Variants in NOTCH1 observed in about 807,000 individuals in gnomAD.
The protein encoded by NOTCH1 is neurogenic locus notch homolog protein 1.
Under a neutral mutation model 254.8 loss-of-function variants are expected in NOTCH1, and 37 were observed. The observed-to-expected ratio is 0.15, with a 90% CI of 0.11 to 0.19. NOTCH1 has a LOEUF of 0.19. Ranked by LOEUF, NOTCH1 falls within the 10% of genes least tolerant of loss-of-function variation. The probability of loss-of-function intolerance (pLI) is 1.00; values close to 1 mark genes in which losing one functional copy is unlikely to be tolerated. For synonymous variants in NOTCH1, 1,731 were observed against 1,618.1 expected, an observed-to-expected ratio of 1.07 and a Z score of -1.68; for missense variants, 2,972 against 3,708.6, an observed-to-expected ratio of 0.80 and a Z score of 5.16.
intron 19 of NOTCH1, 39 bp from the exon 20 acceptor site, chr9:136,508,424 G>T (rs201733983): frequency 6.2e-7 from 1 of 1,612,438 alleles, no homozygotes; most frequent in African/African-American, 1.3e-5. Context: ...CCCGCGCCCC[G>T]GCCATTTCCC....
At chr9:136,538,911 C>T (rs976776249) in intron 2 of NOTCH1, among the ~76,000 whole-genome samples, 12 of 152,210 alleles carry the variant, frequency 7.9e-5, no homozygotes, top group Admixed American at 6.5e-4. Flanking sequence ...TATTTATAGA[C>T]GAGACATGAA....
Position 136,508,098 on chromosome 9 carries a change from C to T in NOTCH1, c.3367G>A (p.Val1123Met). ...ARLCQHGGLCVDAGNTHHCRC... is the reference protein window; with the variant it reads ...ARLCQHGGLCMDAGNTHHCRC... ...CAGTGGTGCGTGTTGCCCGCGTCCA[C>T]ACAGAGCCCTCCATGCTGGCACAGG... The change falls in exon 21 of 34, where the codon GTG (valine) becomes ATG (methionine). Residue 1123 changes from valine (V) to methionine (M), a missense_variant. Val to Met is a conservative substitution (Grantham distance 21). This residue lies in a region of NOTCH1 where 1,343 missense variants were observed against 1,557.0 expected (regional missense o/e 0.86). Coordinates refer to ENST00000651671, the MANE Select transcript of NOTCH1 (RefSeq NM_017617.5). The T allele has an allele frequency of 6.2e-7, 1 of 1,609,284 alleles. No individual in the cohort carries two copies. Among genetic ancestry groups the T allele is most frequent in the Non-Finnish European group, 8.5e-7 (1 of 1,179,916 alleles).
intron 2 of NOTCH1, among the ~76,000 whole-genome samples, chr9:136,542,452 C>G (rs543869845): frequency 6.6e-6 from 1 of 151,622 alleles, no homozygotes; most frequent in Non-Finnish European, 1.5e-5. Flanking sequence ...TCCCCTGGAT[C>G]CCAGCTGTCG....
chr9:136,509,631 G>A (rs1843145699), intron 18 of NOTCH1, 102 bp downstream of exon 18: 6 of 1,055,752 alleles, frequency 5.7e-6, no homozygotes, highest in Non-Finnish European at 5.8e-6. Flanking sequence ...TAAGTGCCCA[G>A]CCGGCCTAGG....
At chr9:136,530,138 C>A (rs1270366522) in intron 2 of NOTCH1, among the ~76,000 whole-genome samples, 3 of 152,006 alleles carry the variant, frequency 2.0e-5, no homozygotes, top group Non-Finnish European at 4.4e-5. Context: ...TTGGGTGGGG[C>A]GGGGGTCGCG....
rs2133317529 is a variant in NOTCH1, at chr9:136,497,051, G to A, written c.6688C>T (p.Pro2230Ser). Residue 2230 changes from proline (P) to serine (S), a missense_variant, in exon 34 of 34, where the codon CCC (proline) becomes TCC (serine). Around this residue, in one of 8 missense-constraint regions of NOTCH1, gnomAD observed 529 missense variants for 529.2 expected, o/e 1.00. Coordinates refer to ENST00000651671, the MANE Select transcript of NOTCH1 (RefSeq NM_017617.5). ...PSPFQQSPSV[P>S]LNHLPGMPDT... The stretch of plus-strand genomic sequence containing the variant: ...GGCATCCCAGGCAGGTGGTTGAGGG[G>A]CACGGACGGAGACTGCTGGAACGGG... 1 of 1,609,662 alleles carries A rather than the reference G, an allele frequency of 6.2e-7. No individual in the cohort carries two copies. The highest frequency in any genetic ancestry group is 8.5e-7 in the Non-Finnish European group (1 of 1,178,360).
At position 136,545,432 on chromosome 9, in the gene NOTCH1, G is replaced by A. The variant is rs946850765; in HGVS notation, c.61+294C>T. Among the ~76,000 whole-genome samples, 2 of 152,008 alleles carry A rather than the reference G, an allele frequency of 1.3e-5. No homozygotes were observed. Among genetic ancestry groups the A allele is most frequent in the African/African-American group, 2.4e-5 (1 of 41,396 alleles). ...ACCGGCGGCAAGCCCCACGCGCGGC[G>A]GGTGAAGGGCGGGCCCGGAGTAGGG... On this transcript the variant is annotated intron_variant, in intron 1 of 33. Coordinates refer to ENST00000651671, the MANE Select transcript of NOTCH1 (RefSeq NM_017617.5). The surrounding 1 kb of genome is among the most constrained non-coding windows in gnomAD (Gnocchi z 6.8).
At chr9:136,497,585 A>AG in intron 33 of NOTCH1, 27 bp from the exon 34 acceptor site, 2 of 1,421,292 alleles carry the variant, frequency 1.4e-6, no homozygotes, top group South Asian at 2.5e-5. Context: ...GGGGCCGGTG[A>AG]GGGGGGCCAG....
intron 2 of NOTCH1, among the ~76,000 whole-genome samples, chr9:136,534,965 T>C (rs968579536): frequency 2.7e-5 from 1 of 36,840 alleles, no homozygotes; most frequent in Non-Finnish European, 4.9e-5. Flanking sequence ...CCCCAGTCCC[T>C]CCCCACAGAG....
At position 136,513,995 on chromosome 9, in the gene NOTCH1, C is replaced by T. The variant is rs900145520; in HGVS notation, c.2208-458G>A. ...ATAAAGAAAAAAGTGGGGGCCGCAG[C>T]GCTTCCCATACCCAAGACTGCGGCA... On this transcript the variant is annotated intron_variant, in intron 13 of 33. Coordinates refer to ENST00000651671, the MANE Select transcript of NOTCH1 (RefSeq NM_017617.5). This position sits in a 1 kb window ranked among gnomAD's most constrained non-coding sequence, Gnocchi z 4.7. Among the ~76,000 whole-genome samples, 8 of 152,152 alleles carry T rather than the reference C, an allele frequency of 5.3e-5. No homozygotes were observed. The highest frequency in any genetic ancestry group is 2.1e-4 in the South Asian group (1 of 4,822).
Position 136,509,820 on chromosome 9 carries a change from G to A in NOTCH1, c.2882C>T (p.Thr961Met), listed in dbSNP as rs377343669. Residue 961 changes from threonine to methionine, a missense_variant, in exon 18 of 34, where the codon ACG becomes ATG. Thr to Met is a moderately conservative substitution (Grantham distance 81, BLOSUM62 -1). This residue lies in a region of NOTCH1 where 1,343 missense variants were observed against 1,557.0 expected (regional missense o/e 0.86). Coordinates refer to ENST00000651671, the MANE Select transcript of NOTCH1 (RefSeq NM_017617.5). ...GCACGTGTAGCTGTCCACGCAGTCCGTGCAGTTGGCCCCGTTGCGGCAGGG... is the reference window on the plus strand; with the variant it reads ...GCACGTGTAGCTGTCCACGCAGTCCATGCAGTTGGCCCCGTTGCGGCAGGG... ...SDPCRNGANC[T>M]DCVDSYTCTC... The A allele has an allele frequency of 1.9e-5, 31 of 1,613,192 alleles. No homozygotes were observed. The highest frequency in any genetic ancestry group is 2.7e-5 in the African/African-American group (2 of 75,078).
Position 136,496,397 on chromosome 9 carries a change from G to C in NOTCH1, c.7342C>G (p.Pro2448Ala). Reference sequence around the variant, plus strand: ...ATAGTGTGCACCGCCAGGCTGCTGGGGCCCAGTGGCTGCACGTCTGCCTGG... The same window carrying C: ...ATAGTGTGCACCGCCAGGCTGCTGGCGCCCAGTGGCTGCACGTCTGCCTGG... Reference protein sequence around the residue: ...PSQADVQPLGPSSLAVHTILP... With the variant: ...PSQADVQPLGASSLAVHTILP... Residue 2448 changes from proline to alanine, a missense_variant, in exon 34 of 34, where the codon CCC becomes GCC. Transcript: ENST00000651671. 1 of 1,598,872 alleles carries C rather than the reference G, an allele frequency of 6.3e-7. No individual in the cohort carries two copies. Among genetic ancestry groups the C allele is most frequent in the Non-Finnish European group, 8.5e-7 (1 of 1,178,926 alleles).
At chr9:136,529,157 T>G (rs1380574650) in intron 2 of NOTCH1, among the ~76,000 whole-genome samples, 1 of 152,228 alleles carries the variant, frequency 6.6e-6, no homozygotes, top group African/African-American at 2.4e-5. Flanking sequence ...CCAGGTGACC[T>G]GGGCCACACA....
intron 2 of NOTCH1, among the ~76,000 whole-genome samples, chr9:136,534,397 A>T (rs532486156): frequency 6.6e-6 from 1 of 152,316 alleles, no homozygotes; most frequent in Non-Finnish European, 1.5e-5. Context: ...ACATCTGATG[A>T]CAAATTCTCA....
chr9:136,520,073 C>T (rs1282184300), intron 4 of NOTCH1, among the ~76,000 whole-genome samples: 2 of 152,102 alleles, frequency 1.3e-5, no homozygotes, highest in African/African-American at 2.4e-5. Flanking sequence ...AGCTCTGGTG[C>T]CCACCTCCTC....
chr9:136,507,008 G>C (rs757385719), intron 22 of NOTCH1, 35 bp from the exon 23 acceptor site: 7 of 1,584,968 alleles, frequency 4.4e-6, no homozygotes, highest in African/African-American at 1.4e-5. Context: ...GCCCAAGCCC[G>C]CCACACCCCG....
intron 2 of NOTCH1, among the ~76,000 whole-genome samples, chr9:136,525,618 A>T (rs1843447436): frequency 6.6e-6 from 1 of 152,062 alleles, no homozygotes; most frequent in South Asian, 2.1e-4. Flanking sequence ...CTGCCCCAGG[A>T]CCGGCCCTGA....
intron 4 of NOTCH1, among the ~76,000 whole-genome samples, chr9:136,521,658 C>A (rs1364239671): frequency 6.6e-6 from 1 of 152,244 alleles, no homozygotes; most frequent in South Asian, 2.1e-4. Flanking sequence ...TGCGCCCCAC[C>A]CTGCAGAGAT....
Position 136,513,002 on chromosome 9 carries a change from G to T in NOTCH1, c.2467+19C>A, listed in dbSNP as rs991367386. 8 of 402,286 alleles carry T rather than the reference G, an allele frequency of 2.0e-5. No homozygotes were observed. The highest frequency in any genetic ancestry group is 2.1e-5 in the Non-Finnish European group (5 of 235,336). 24.9% of individuals were successfully genotyped at this position (402,286 alleles called of 1,614,324 possible). The stretch of plus-strand genomic sequence containing the variant: ...CATAGGCCCCGCCCCCTCCAGCACA[G>T]GCCCCACCCACCCCTCACCTGTGTA... On this transcript the variant is annotated intron_variant, in intron 15 of 33. Coordinates refer to ENST00000651671, the MANE Select transcript of NOTCH1 (RefSeq NM_017617.5). The surrounding 1 kb of genome is among the most constrained non-coding windows in gnomAD (Gnocchi z 4.7).
Sources: allele counts gnomAD v4.1 joint callset (sites outside exome capture counted in the v4.1 genomes callset), GRCh38; gene constraint gnomAD v4.1.1; regional missense constraint gnomAD v4.1.1; non-coding constraint Gnocchi (gnomAD v3.1); transcripts MANE v1.5; gene names NCBI Gene and HGNC (gene_info 2026-07-23, HGNC 2026-07-21).